The following ACSS1 variants were observed in gnomAD, a reference collection of about 807,000 sequenced individuals.
ACSS1 encodes acetyl-coenzyme A synthetase 2-like, mitochondrial.
A neutral mutation model predicts 75.3 loss-of-function variants in ACSS1; 42 were observed. That is an observed-to-expected ratio of 0.56 (90% confidence interval 0.44 to 0.72). ACSS1 has a LOEUF of 0.72. Ranked by LOEUF, ACSS1 falls within the 30% of genes least tolerant of loss-of-function variation. ACSS1 has a pLI of 0.00. For synonymous variants in ACSS1, 380 were observed against 376.8 expected (o/e 1.01, Z -0.10); for missense variants, 782 against 935.7 (o/e 0.84, Z 2.14).
chr20:25,041,337 T>C lies in ACSS1; in HGVS notation c.431+6748A>G, dbSNP rs2089000957. ...TGCAGCTTTTTCAGTCCACCCCGTG[T>C]GACCTCCAGGCCACACTCCCTCTGA... On this transcript the variant is annotated intron_variant, in intron 2 of 13. Coordinates refer to ENST00000323482, the MANE Select transcript of ACSS1 (RefSeq NM_032501.4). Among the ~76,000 whole-genome samples the C allele has an allele frequency of 4.6e-5, 7 of 151,982 alleles. No individual in the cohort carries two copies. The South Asian group carries it at 1.5e-3, about 32-fold the overall frequency.
At chr20:25,029,337 A>G (rs1001376042) in intron 3 of ACSS1, among the ~76,000 whole-genome samples, 3 of 152,212 alleles carry the variant, frequency 2.0e-5, no homozygotes, top group African/African-American at 7.2e-5. Context: ...ATACAACTTC[A>G]TTCTTACTAT....
intron 7 of ACSS1, among the ~76,000 whole-genome samples, chr20:25,018,344 T>C (rs1282513662): frequency 6.6e-6 from 1 of 152,182 alleles, no homozygotes; most frequent in Non-Finnish European, 1.5e-5. Context: ...TGTGAACCAA[T>C]AAATTTCTGT....
Position 25,031,735 on chromosome 20 carries a change from G to A in ACSS1, c.432-777C>T, listed in dbSNP as rs2122689490. ...AGAACCCTCTCCTGGGATCCGGATG[G>A]GGACCCCTTTTTCCAGCAGCAGCTT... On this transcript the variant is annotated intron_variant, in intron 2 of 13. Coordinates refer to ENST00000323482, the MANE Select transcript of ACSS1 (RefSeq NM_032501.4). Among the ~76,000 whole-genome samples the A allele has an allele frequency of 2.0e-5, 3 of 152,290 alleles. No homozygotes were observed. The South Asian group carries it at 6.2e-4, about 32-fold the overall frequency.
intron 6 of ACSS1, 37 bp from the exon 7 acceptor site, chr20:25,020,184 C>A: frequency 6.2e-7 from 1 of 1,612,966 alleles, no homozygotes; most frequent in Non-Finnish European, 8.5e-7. Context: ...AGCAGGAGAG[C>A]TGACATGGTT....
At chr20:25,027,779 CAAAAAAAA>C (rs78414153) in intron 3 of ACSS1, among the ~76,000 whole-genome samples, 2 of 75,358 alleles carry the variant, frequency 2.7e-5, no homozygotes, top group East Asian at 4.8e-4. Flanking sequence ...AGTGATCAGG[CAAAAAAAA>C]AAAAAAAAAA....
At chr20:25,052,852 G>A (rs77886069) in intron 1 of ACSS1, among the ~76,000 whole-genome samples, 1 of 152,224 alleles carries the variant, frequency 6.6e-6, no homozygotes, top group Non-Finnish European at 1.5e-5. Context: ...GCCAATGCCC[G>A]TGGCTGGGGC....
rs981510266 is a variant in ACSS1, at chr20:25,020,112, T to G, written c.1144A>C (p.Asn382His). 6.2e-7 allele frequency: 1 copy of G among 1,614,286 alleles called. No homozygotes were observed. The highest frequency in any genetic ancestry group is 8.5e-7 in the Non-Finnish European group (1 of 1,180,058). The change falls in exon 7 of 14, where the codon AAT (asparagine) becomes CAT (histidine). Residue 382 changes from asparagine to histidine, a missense_variant. Asn to His is a moderately conservative substitution (Grantham distance 68). This residue lies in a region of ACSS1 where 405 missense variants were observed against 552.6 expected (regional missense o/e 0.73). Coordinates refer to ENST00000323482, the MANE Select transcript of ACSS1 (RefSeq NM_032501.4). ...YWETVERLKI[N>H]QFYGAPTAVR... ...GCCGTTGGGGCGCCATAGAACTGAT[T>G]GATCTTCAACCTCTCTACTGTCTCC...
intron 1 of ACSS1, among the ~76,000 whole-genome samples, chr20:25,057,375 C>G (rs1041266268): frequency 1.3e-5 from 2 of 152,364 alleles, no homozygotes; most frequent in South Asian, 2.1e-4. Flanking sequence ...GGTATGGGAA[C>G]GGGAAAGTCC....
chr20:25,032,624 C>T, intron 2 of ACSS1: 1 of 1,230,700 alleles, frequency 8.1e-7, no homozygotes. Context: ...GCCCAGAAAG[C>T]AGACCCTCCT....
In ACSS1 at chr20:25,057,312, GGCACCGCA is replaced by G. The variant is rs1458270245; in HGVS notation, c.334+449_334+456del. ...GGGCTTGTCCCCAGGCTGATCCCCG[GGCACCGCA>G]GCCCGCAGTGACAACCGCCACCGCT... On this transcript the variant is annotated intron_variant, in intron 1 of 13. Transcript: ENST00000323482. 2.6e-5 allele frequency among the ~76,000 whole-genome samples: 4 copies of G among 152,246 alleles called. No homozygotes were observed. In the East Asian group the frequency reaches 5.8e-4, roughly 22 times the overall value.
At chr20:25,029,350 C>G (rs1304380589) in intron 3 of ACSS1, among the ~76,000 whole-genome samples, 2 of 152,086 alleles carry the variant, frequency 1.3e-5, no homozygotes, top group African/African-American at 4.8e-5. Flanking sequence ...CTTACTATGA[C>G]GGCTGTAATT....
chr20:25,034,172 A>G (rs2088872525), intron 2 of ACSS1, among the ~76,000 whole-genome samples: 2 of 152,190 alleles, frequency 1.3e-5, no homozygotes, highest in African/African-American at 4.8e-5. Flanking sequence ...TCTGGCAGCC[A>G]CATTCTGGCC....
At chr20:25,035,536 G>A (rs2088896501) in intron 2 of ACSS1, among the ~76,000 whole-genome samples, 1 of 152,036 alleles carries the variant, frequency 6.6e-6, no homozygotes. Flanking sequence ...CTCCTGAGTA[G>A]CTGGGACTAC....
At chr20:25,027,779 C>CA (rs78414153) in intron 3 of ACSS1, among the ~76,000 whole-genome samples, 18,610 of 74,710 alleles carry the variant, frequency 0.25, 1,561 homozygotes, top group Non-Finnish European at 0.3. Context: ...AGTGATCAGG[C>CA]AAAAAAAAAA....
intron 2 of ACSS1, among the ~76,000 whole-genome samples, chr20:25,045,214 C>G (rs2089066573): frequency 6.6e-6 from 1 of 152,230 alleles, no homozygotes; most frequent in African/African-American, 2.4e-5. Flanking sequence ...GAAAGTCACA[C>G]CCGGGGAGAT....
At chr20:25,054,027 C>G (rs1457128932) in intron 1 of ACSS1, among the ~76,000 whole-genome samples, 1 of 152,230 alleles carries the variant, frequency 6.6e-6, no homozygotes. Flanking sequence ...GAAAGAATCC[C>G]TTTTAGAACC....
At chr20:25,023,211 C>T in intron 4 of ACSS1, 119 bp from the exon 5 acceptor site, 1 of 1,328,170 alleles carries the variant, frequency 7.5e-7, no homozygotes, top group Non-Finnish European at 1.0e-6. Flanking sequence ...TCTGACCTGT[C>T]CAAGTTCAAT....
In ACSS1 at chr20:25,049,882, C is replaced by T. The variant is rs759150346; in HGVS notation, c.335-1701G>A. On this transcript the variant is annotated intron_variant, in intron 1 of 13. Coordinates refer to ENST00000323482, the MANE Select transcript of ACSS1 (RefSeq NM_032501.4). ...GGTAACAGTCCAGTTCTTCACCAGG[C>T]GGTGAAGAACTGCTCTATGCAACAA... is the stretch of plus-strand genomic sequence containing the variant. Among the ~76,000 whole-genome samples, 5 of 152,124 alleles carry T rather than the reference C, an allele frequency of 3.3e-5. No homozygotes were observed. The South Asian group carries it at 6.2e-4, about 19-fold the overall frequency.
At chr20:25,039,791 C>G (rs1600339262) in intron 2 of ACSS1, among the ~76,000 whole-genome samples, 1 of 152,258 alleles carries the variant, frequency 6.6e-6, no homozygotes, top group Non-Finnish European at 1.5e-5. Flanking sequence ...CCTGTTAACG[C>G]CTGGTTTTCC....
Sources: allele counts gnomAD v4.1 joint callset (sites outside exome capture counted in the v4.1 genomes callset), GRCh38; gene constraint gnomAD v4.1.1; regional missense constraint gnomAD v4.1.1; transcripts MANE v1.5; gene names NCBI Gene and HGNC (gene_info 2026-07-23, HGNC 2026-07-21).